Variants in ZCCHC10 observed in about 807,000 individuals in gnomAD.
ZCCHC10 encodes the protein zinc finger CCHC-type containing 10, also known as zinc finger CCHC domain-containing protein 10.
Under a neutral mutation model 19.5 loss-of-function variants are expected in ZCCHC10, and 16 were observed. That is an observed-to-expected ratio of 0.82 (90% CI 0.56 to 1.25). The LOEUF (loss-of-function observed/expected upper bound fraction) is 1.25. ZCCHC10 is among the 50% of genes most tolerant of loss of function. ZCCHC10 has a pLI of 0.00. For synonymous variants in ZCCHC10, 67 were observed against 72.5 expected (o/e 0.92, Z 0.38); for missense variants, 197 against 201.0 (o/e 0.98, Z 0.12).
intron 3 of ZCCHC10, among the ~76,000 whole-genome samples, chr5:133,005,292 T>C (rs912911157): frequency 6.6e-6 from 1 of 150,848 alleles, no homozygotes; most frequent in Non-Finnish European, 1.5e-5. Context: ...CAAGACTCTG[T>C]CTCAAAAAAA....
intron 1 of ZCCHC10, among the ~76,000 whole-genome samples, chr5:133,026,242 A>C (rs994147731): frequency 6.6e-6 from 1 of 152,230 alleles, no homozygotes; most frequent in Non-Finnish European, 1.5e-5. Context: ...CGTTCCTTTC[A>C]GAGAAACCAA....
chr5:133,020,718 A>G (rs907484174), intron 2 of ZCCHC10, among the ~76,000 whole-genome samples: 2 of 151,790 alleles, frequency 1.3e-5, no homozygotes, highest in African/African-American at 4.8e-5. Context: ...AACAACTGAA[A>G]CTAAAAATTT....
Position 133,010,087 on chromosome 5 carries a change from C to T in ZCCHC10, c.108-3167G>A, listed in dbSNP as rs1474963652. On this transcript the variant is annotated intron_variant, in intron 2 of 4. Transcript: ENST00000509437. The stretch of plus-strand genomic sequence containing the variant: ...TTTTGGAGATGAAGTCTTGCTCTGT[C>T]GCCCAGGCTAGAGTGTAGTGGCACG... Among the ~76,000 whole-genome samples, 7 of 143,120 alleles carry T rather than the reference C, an allele frequency of 4.9e-5. No individual in the cohort carries two copies. The South Asian group carries it at 1.3e-3, about 26-fold the overall frequency. The allele number at this position is 143,120 out of a possible 152,430, so 93.9% of individuals were successfully genotyped here. A position where few individuals can be genotyped will look rare whatever the true frequency, so the allele number is the denominator to read the frequency against.
At chr5:133,016,230 G>C (rs1171977173) in intron 2 of ZCCHC10, among the ~76,000 whole-genome samples, 2 of 133,266 alleles carry the variant, frequency 1.5e-5, no homozygotes, top group Non-Finnish European at 3.1e-5. Context: ...CTGTTACTGG[G>C]ACATTGCGCT....
At chr5:133,009,017 T>TG (rs904853382) in intron 2 of ZCCHC10, among the ~76,000 whole-genome samples, 1 of 151,948 alleles carries the variant, frequency 6.6e-6, no homozygotes, top group Non-Finnish European at 1.5e-5. Context: ...TCTTTTTTTT[T>TG]TTTTTTAAAG....
intron 2 of ZCCHC10, among the ~76,000 whole-genome samples, chr5:133,014,850 T>G (rs1763814762): frequency 6.6e-6 from 1 of 152,232 alleles, no homozygotes; most frequent in Non-Finnish European, 1.5e-5. Context: ...AATGCGTGAT[T>G]ACACAAGGGT....
At chr5:133,001,226 A>G (rs1025227905) in intron 3 of ZCCHC10, among the ~76,000 whole-genome samples, 2 of 150,984 alleles carry the variant, frequency 1.3e-5, no homozygotes, top group African/African-American at 4.9e-5. Context: ...TGTCTCTACT[A>G]AAAAAAACAC....
intron 3 of ZCCHC10, among the ~76,000 whole-genome samples, chr5:133,001,677 G>C (rs1762783377): frequency 6.6e-6 from 1 of 151,934 alleles, no homozygotes; most frequent in African/African-American, 2.4e-5. Context: ...GCCTGGTCCT[G>C]AACTCCTAAG....
chr5:133,015,392 T>A (rs886641505), intron 2 of ZCCHC10, among the ~76,000 whole-genome samples: 1 of 152,164 alleles, frequency 6.6e-6, no homozygotes, highest in Non-Finnish European at 1.5e-5. Flanking sequence ...AAAGTTACTT[T>A]TCATCCTTTT....
chr5:133,010,641 G>A (rs573275927), intron 2 of ZCCHC10, among the ~76,000 whole-genome samples: 32 of 152,132 alleles, frequency 2.1e-4, no homozygotes, highest in African/African-American at 7.2e-4. Flanking sequence ...AACAGTTTTC[G>A]TATTTTGTTT....
rs1763855879 is a variant in ZCCHC10 at position 133,015,390 on chromosome 5, T to G, written c.107+7451A>C. Among the ~76,000 whole-genome samples the G allele has an allele frequency of 2.0e-5, 3 of 152,158 alleles. No homozygotes were observed. The South Asian group carries it at 6.2e-4, about 31-fold the overall frequency. On this transcript the variant is annotated intron_variant, in intron 2 of 4. Coordinates refer to ENST00000509437, the MANE Select transcript of ZCCHC10 (RefSeq NM_001300816.3). ...CACCGCGTTTGGCCTGTAAAGTTAC[T>G]TTTCATCCTTTTGTAATTGTGGCAG...
At chr5:133,019,951 CAAA>C (rs34652763) in intron 2 of ZCCHC10, among the ~76,000 whole-genome samples, 5 of 95,330 alleles carry the variant, frequency 5.2e-5, no homozygotes, top group Admixed American at 1.3e-4. Flanking sequence ...GACTCCAGCT[CAAA>C]AAAAAAAAAA....
chr5:133,003,373 G>T, intron 3 of ZCCHC10: 1 of 332,366 alleles, frequency 3.0e-6, no homozygotes, highest in Admixed American at 3.5e-5. Flanking sequence ...TAAATGAAAT[G>T]TTTTACTATA....
chr5:133,022,741 A>G (rs1473236265), intron 2 of ZCCHC10, 100 bp downstream of exon 2: 13 of 402,756 alleles, frequency 3.2e-5, no homozygotes, highest in Non-Finnish European at 5.8e-5. Flanking sequence ...ATGAGCCACC[A>G]CGCCCCGGCC....
At chr5:133,025,587 T>C in intron 1 of ZCCHC10, among the ~76,000 whole-genome samples, 1 of 151,796 alleles carries the variant, frequency 6.6e-6, no homozygotes, top group East Asian at 1.9e-4. Flanking sequence ...GAATCTCTTC[T>C]GCCACTCTCT....
At chr5:133,025,435 C>A (rs753702129) in intron 1 of ZCCHC10, among the ~76,000 whole-genome samples, 32 of 130,460 alleles carry the variant, frequency 2.5e-4, no homozygotes, top group Admixed American at 1.0e-3. Context: ...ACCCGGGGGG[C>A]GGAGCTTGCA....
At chr5:133,001,589 G>A (rs1762777903) in intron 3 of ZCCHC10, among the ~76,000 whole-genome samples, 1 of 151,924 alleles carries the variant, frequency 6.6e-6, no homozygotes, top group Admixed American at 6.6e-5. Flanking sequence ...AACCTCTGGA[G>A]TAGCTGGGAC....
chr5:133,020,382 T>C (rs1462507645), intron 2 of ZCCHC10, among the ~76,000 whole-genome samples: 2 of 151,428 alleles, frequency 1.3e-5, no homozygotes, highest in East Asian at 1.9e-4. Flanking sequence ...AGGCAGAGGC[T>C]GCAAGGAACC....
chr5:133,010,453 G>A (rs1396002223), intron 2 of ZCCHC10, among the ~76,000 whole-genome samples: 6 of 152,028 alleles, frequency 3.9e-5, no homozygotes, highest in African/African-American at 1.4e-4. Context: ...TATAACATGA[G>A]AGAAAACAAA....
Sources: allele counts gnomAD v4.1 joint callset (sites outside exome capture counted in the v4.1 genomes callset), GRCh38; gene constraint gnomAD v4.1.1; transcripts MANE v1.5; gene names NCBI Gene and HGNC (gene_info 2026-07-23, HGNC 2026-07-21).